The following HIVEP3 variants were observed in gnomAD, a reference collection of about 807,000 sequenced individuals.
HIVEP3 encodes the protein HIVEP zinc finger 3.
A neutral mutation model predicts 152.8 loss-of-function variants in HIVEP3; 49 were observed. The ratio of observed to expected loss-of-function variants is 0.32; its 90% CI spans 0.26 to 0.41. HIVEP3 has a LOEUF of 0.41. HIVEP3 is among the 10% of genes least tolerant of loss of function. The probability of loss-of-function intolerance (pLI) is 1.00; values close to 1 mark genes in which losing one functional copy is unlikely to be tolerated. For synonymous variants in HIVEP3, 1,269 were observed against 1,289.0 expected, an observed-to-expected ratio of 0.98 and a Z score of 0.33; for missense variants, 2,790 against 3,103.3, an observed-to-expected ratio of 0.90 and a Z score of 2.40.
intron 3 of HIVEP3, among the ~76,000 whole-genome samples, chr1:41,595,410 C>T (rs1404089383): frequency 6.6e-6 from 1 of 152,182 alleles, no homozygotes; most frequent in African/African-American, 2.4e-5. Context: ...CTCCATCCTG[C>T]TCTTACACTT....
At chr1:41,980,231 T>A (rs866612258) in intron 1 of HIVEP3, among the ~76,000 whole-genome samples, 1 of 152,134 alleles carries the variant, frequency 6.6e-6, no homozygotes, top group African/African-American at 2.4e-5. Context: ...AACGAAAAAA[T>A]ATGTCCACGT....
chr1:41,816,738 G>A (rs1034995332), intron 1 of HIVEP3, among the ~76,000 whole-genome samples: 21 of 152,162 alleles, frequency 1.4e-4, no homozygotes, highest in Non-Finnish European at 2.9e-4. Flanking sequence ...GCATTTGTTG[G>A]TGATTCACGA....
At chr1:41,933,941 A>AT (rs1645007696) in intron 1 of HIVEP3, among the ~76,000 whole-genome samples, 1 of 151,850 alleles carries the variant, frequency 6.6e-6, no homozygotes, top group African/African-American at 2.4e-5. Flanking sequence ...AGGTGTTAAG[A>AT]TTTTTTTCCC....
At chr1:42,029,306 G>C (rs1645599848) in intron 1 of HIVEP3, among the ~76,000 whole-genome samples, 1 of 152,150 alleles carries the variant, frequency 6.6e-6, no homozygotes. Flanking sequence ...TTAACCATGA[G>C]AGACAGAAGG....
chr1:41,564,768 A>C (rs1010124427), intron 5 of HIVEP3, among the ~76,000 whole-genome samples: 7 of 152,236 alleles, frequency 4.6e-5, no homozygotes, highest in Admixed American at 3.3e-4. Flanking sequence ...TCTTCTCTGA[A>C]GAAGACCACA....
chr1:41,969,417 C>T (rs144594821), intron 1 of HIVEP3, among the ~76,000 whole-genome samples: 1 of 152,190 alleles, frequency 6.6e-6, no homozygotes, highest in African/African-American at 2.4e-5. Context: ...CACCTACAAC[C>T]ATCTGATCTT....
chr1:41,545,015 C>CTCTACCACCACCATCACT (rs1558047370), intron 5 of HIVEP3, among the ~76,000 whole-genome samples: 5 of 108,294 alleles, frequency 4.6e-5, no homozygotes, highest in Admixed American at 8.4e-5. Flanking sequence ...CCACCACCAC[C>CTCTACCACCACCATCACT]ACTACCACCA....
At chr1:42,022,250 T>C (rs1247934005) in intron 1 of HIVEP3, among the ~76,000 whole-genome samples, 1 of 152,182 alleles carries the variant, frequency 6.6e-6, no homozygotes, top group African/African-American at 2.4e-5. Context: ...TCTTAAAGAA[T>C]CTATGCTTCT....
At chr1:41,757,964 G>A (rs139943100) in intron 1 of HIVEP3, among the ~76,000 whole-genome samples, 96 of 152,140 alleles carry the variant, frequency 6.3e-4, no homozygotes, top group African/African-American at 2.0e-3. Context: ...CACCTGCCTC[G>A]GCCTCCCAAA....
chr1:41,575,600 C>T lies in HIVEP3; in HGVS notation c.5151G>A (p.Glu1717=). ...KEEERRGEPE[E]DAPASQRGEP... is the part of the protein sequence containing the mutation. ...CCCCTCTCTGGGAGGCAGGAGCATC[C>T]TCCTCCGGCTCCCCTCTCCTCTCTT... Residue 1717 remains glutamate (E), a synonymous_variant, in exon 5 of 9, where the codon GAG becomes GAA. Coordinates refer to ENST00000372583, the MANE Select transcript of HIVEP3 (RefSeq NM_024503.5). 1.2e-6 allele frequency: 2 copies of T among 1,613,978 alleles called. No homozygotes were observed. Among genetic ancestry groups the T allele is most frequent in the Non-Finnish European group, 8.5e-7 (1 of 1,179,854 alleles).
At chr1:41,716,418 C>T (rs745473768) in intron 1 of HIVEP3, among the ~76,000 whole-genome samples, 30 of 152,228 alleles carry the variant, frequency 2.0e-4, no homozygotes, top group Non-Finnish European at 4.0e-4. Context: ...CCCATCACCA[C>T]CTATCAGCAC....
At chr1:41,713,401 T>C (rs963469632) in intron 1 of HIVEP3, among the ~76,000 whole-genome samples, 1 of 152,174 alleles carries the variant, frequency 6.6e-6, no homozygotes, top group Non-Finnish European at 1.5e-5. Flanking sequence ...GCTCAATAAA[T>C]GTTCTTCCAA....
intron 1 of HIVEP3, among the ~76,000 whole-genome samples, chr1:41,787,577 A>G (rs1299843561): frequency 7.1e-6 from 1 of 141,338 alleles, no homozygotes; most frequent in African/African-American, 2.6e-5. Context: ...TCTGTTGCCC[A>G]GGCTGGAGTG....
chr1:41,853,209 G>A (rs1004174070), intron 1 of HIVEP3, among the ~76,000 whole-genome samples: 20 of 152,230 alleles, frequency 1.3e-4, no homozygotes, highest in Non-Finnish European at 8.8e-5. Flanking sequence ...TTGCTATGAT[G>A]TAATGAGGGC....
intron 1 of HIVEP3, among the ~76,000 whole-genome samples, chr1:41,825,172 G>A (rs1252773779): frequency 2.0e-5 from 3 of 152,124 alleles, no homozygotes; most frequent in Non-Finnish European, 4.4e-5. Context: ...GATAGGCGTT[G>A]GAGTTACGAG....
intron 1 of HIVEP3, among the ~76,000 whole-genome samples, chr1:41,972,993 G>T (rs1296457927): frequency 6.6e-6 from 1 of 151,920 alleles, no homozygotes; most frequent in Non-Finnish European, 1.5e-5. Context: ...GAATTTTCCA[G>T]GCAAAGAAGA....
intron 3 of HIVEP3, among the ~76,000 whole-genome samples, chr1:41,616,787 G>T (rs1186291493): frequency 6.6e-6 from 1 of 152,070 alleles, no homozygotes; most frequent in Non-Finnish European, 1.5e-5. Flanking sequence ...ATCATCCTAT[G>T]TACATTCCTC....
chr1:41,876,615 C>T (rs908833046), intron 1 of HIVEP3, among the ~76,000 whole-genome samples: 4 of 152,108 alleles, frequency 2.6e-5, no homozygotes, highest in African/African-American at 9.7e-5. Context: ...ACCCAGGTCT[C>T]CTAAATCCCC....
chr1:41,921,072 C>T (rs1482826310), upstream of HIVEP3, among the ~76,000 whole-genome samples: 1 of 152,176 alleles, frequency 6.6e-6, no homozygotes, highest in Non-Finnish European at 1.5e-5. Context: ...TATGATGTGT[C>T]AGAACTCTCC....
Sources: gnomAD v4.1 joint callset for allele counts (sites outside exome capture counted in the v4.1 genomes callset) on GRCh38, gnomAD v4.1.1 for gene constraint, MANE v1.5 for transcripts, NCBI Gene and HGNC (gene_info 2026-07-23, HGNC 2026-07-21) for gene names.